The following ABCC8 variants were observed in gnomAD, a reference collection of about 807,000 sequenced individuals.
ABCC8 encodes ATP-binding cassette sub-family C member 8.
In ABCC8, 137 loss-of-function variants were observed where a neutral mutation model predicts 188.0. The observed-to-expected ratio is 0.73, with a 90% CI of 0.63 to 0.84. The LOEUF (loss-of-function observed/expected upper bound fraction) is 0.84. ABCC8 is among the 40% of genes least tolerant of loss of function. The pLI is 0.00. For missense variants in ABCC8, 1,750 were observed against 2,072.7 expected, an observed-to-expected ratio of 0.84 and a Z score of 3.02; for synonymous variants, 797 against 846.5, an observed-to-expected ratio of 0.94 and a Z score of 1.01.
At chr11:17,452,994 T>C (rs1433555440) in intron 7 of ABCC8, 125 bp downstream of exon 7, 7 of 972,234 alleles carry the variant, frequency 7.2e-6, no homozygotes, top group Non-Finnish European at 1.1e-5. Context: ...ACATCGTTAA[T>C]GGGCAACAAA....
At chr11:17,415,083 G>C (rs953341082) in intron 18 of ABCC8, among the ~76,000 whole-genome samples, 1 of 65,234 alleles carries the variant, frequency 1.5e-5, no homozygotes, top group African/African-American at 6.2e-5. Context: ...AAGAAAAAGA[G>C]ATCCCAGATA....
chr11:17,460,384 C>T (rs1957140671), intron 6 of ABCC8, 104 bp downstream of exon 6: 1 of 1,557,494 alleles, frequency 6.4e-7, no homozygotes, highest in Non-Finnish European at 8.8e-7. Context: ...GTGTGAGGAG[C>T]CACTCCAGTG....
chr11:17,460,304 C>G (rs1957137670), intron 6 of ABCC8, among the ~76,000 whole-genome samples, 184 bp downstream of exon 6: 1 of 152,210 alleles, frequency 6.6e-6, no homozygotes, highest in Non-Finnish European at 1.5e-5. Flanking sequence ...CATAGGCTCG[C>G]CCTCTGGCAT....
Position 17,400,974 on chromosome 11 carries a change from C to A in ABCC8, c.3650+1687G>T, listed in dbSNP as rs142229554. 2.2e-3 allele frequency among the ~76,000 whole-genome samples: 342 copies of A among 152,328 alleles called. 3 individuals carry two copies. The highest frequency in any genetic ancestry group is 7.9e-3 in the African/African-American group (328 of 41,566). On this transcript the variant is annotated intron_variant, in intron 29 of 38. Transcript: ENST00000389817. The stretch of plus-strand genomic sequence containing the variant: ...GGGGTTGATTAAAAAGCCTTTCATT[C>A]AAATTTAAAAATCATTCACCGTGTC...
chr11:17,475,085 G>A, intron 1 of ABCC8, 58 bp from the exon 2 acceptor site: 2 of 1,607,238 alleles, frequency 1.2e-6, no homozygotes, highest in Non-Finnish European at 1.7e-6. Context: ...GGAAGAGGGT[G>A]CATGAACCCC....
intron 32 of ABCC8, 52 bp downstream of exon 32, chr11:17,397,141 C>T (rs773624190): frequency 6.2e-6 from 10 of 1,613,250 alleles, no homozygotes; most frequent in Middle Eastern, 1.6e-4. Flanking sequence ...GCCCCCAACC[C>T]AGACACACTC....
chr11:17,459,461 G>A (rs1957107958), intron 6 of ABCC8, among the ~76,000 whole-genome samples: 1 of 152,170 alleles, frequency 6.6e-6, no homozygotes, highest in South Asian at 2.1e-4. Flanking sequence ...CTGTTCAGCT[G>A]ACTAATTATG....
intron 3 of ABCC8, among the ~76,000 whole-genome samples, 196 bp downstream of exon 3, chr11:17,469,905 T>C (rs909470218): frequency 6.6e-6 from 1 of 152,178 alleles, no homozygotes; most frequent in African/African-American, 2.4e-5. Context: ...CCTATTTGTT[T>C]GCTTGTTTAT....
intron 33 of ABCC8, 80 bp downstream of exon 33, chr11:17,396,836 G>A: frequency 6.4e-7 from 1 of 1,571,452 alleles, no homozygotes; most frequent in East Asian, 2.3e-5. Context: ...CGAGGTGACT[G>A]CGAAGCCATC....
chr11:17,466,291 C>G (rs981832690), intron 3 of ABCC8, among the ~76,000 whole-genome samples: 2 of 149,832 alleles, frequency 1.3e-5, no homozygotes, highest in Non-Finnish European at 2.9e-5. Flanking sequence ...CCCAGTTACT[C>G]AGGAGGCTGA....
intron 24 of ABCC8, 43 bp from the exon 25 acceptor site, chr11:17,407,172 C>A: frequency 6.2e-7 from 1 of 1,600,704 alleles, no homozygotes. Context: ...ACATTTCCAT[C>A]CCTCTGAGGG....
intron 31 of ABCC8, 91 bp from the exon 32 acceptor site, chr11:17,397,404 C>T: frequency 6.3e-7 from 1 of 1,586,232 alleles, no homozygotes. Flanking sequence ...TGGAGAGGGG[C>T]CAGGGCCCCA....
At chr11:17,415,439 T>G (rs1445072195) in intron 17 of ABCC8, 100 bp from the exon 18 acceptor site, 7 of 1,552,070 alleles carry the variant, frequency 4.5e-6, no homozygotes, top group Non-Finnish European at 6.1e-6. Flanking sequence ...AGCATGCCTT[T>G]ACAATCCCCT....
At chr11:17,426,938 C>G in intron 16 of ABCC8, 111 bp downstream of exon 16, 1 of 1,238,802 alleles carries the variant, frequency 8.1e-7, no homozygotes, top group Non-Finnish European at 1.1e-6. Flanking sequence ...TTTATTGAGT[C>G]CTCACTGAAC....
chr11:17,470,339 C>T (rs1848414176), intron 2 of ABCC8, 117 bp from the exon 3 acceptor site: 2 of 1,540,502 alleles, frequency 1.3e-6, no homozygotes, highest in South Asian at 2.4e-5. Context: ...ACTTTATAGG[C>T]TGCAGGGCCC....
chr11:17,445,997 G>A (rs1339959610), intron 8 of ABCC8, among the ~76,000 whole-genome samples: 3 of 141,916 alleles, frequency 2.1e-5, no homozygotes, highest in Non-Finnish European at 3.0e-5. Context: ...ACCGAGTCTC[G>A]CTCTGTTACC....
chr11:17,462,153 T>C (rs889990574), intron 4 of ABCC8, among the ~76,000 whole-genome samples: 2 of 152,200 alleles, frequency 1.3e-5, no homozygotes, highest in Non-Finnish European at 2.9e-5. Flanking sequence ...CCATGTTTCA[T>C]ATACAGTTCA....
Position 17,427,779 on chromosome 11 carries a change from C to T in ABCC8, c.2116+88G>A. The T allele has an allele frequency of 6.6e-7, 1 of 1,519,992 alleles. No individual in the cohort carries two copies. Among genetic ancestry groups the T allele is most frequent in the Non-Finnish European group, 9.0e-7 (1 of 1,116,066 alleles). 94.2% of individuals were successfully genotyped at this position (1,519,992 alleles called of 1,614,324 possible). On this transcript the variant is annotated intron_variant, in intron 15 of 38. Transcript: ENST00000389817. The surrounding 1 kb of genome is among the most constrained non-coding windows in gnomAD (Gnocchi z 5.0). ...ACCAAGAATGAGCAGAGAGTAGGTG[C>T]TCAATAAATGCAGCTTTGTCTTTTT...
chr11:17,423,447 C>T (rs1448168701), intron 16 of ABCC8, among the ~76,000 whole-genome samples: 1 of 150,910 alleles, frequency 6.6e-6, no homozygotes, highest in Non-Finnish European at 1.5e-5. Flanking sequence ...ACACTAGGCG[C>T]TCAACTGGGT....
Sources: allele counts gnomAD v4.1 joint callset (sites outside exome capture counted in the v4.1 genomes callset), GRCh38; gene constraint gnomAD v4.1.1; non-coding constraint Gnocchi (gnomAD v3.1); transcripts MANE v1.5; gene names NCBI Gene and HGNC (gene_info 2026-07-23, HGNC 2026-07-21).